The following EML4 variants were observed in gnomAD, a reference collection of about 807,000 sequenced individuals.
EML4 encodes echinoderm microtubule-associated protein-like 4.
EML4 carries 72 observed loss-of-function variants against 129.0 expected under a neutral mutation model. That is an observed-to-expected ratio of 0.56 (90% CI 0.46 to 0.68). EML4 has a LOEUF of 0.68. Among genes scored for constraint, EML4 ranks in the 30% least tolerant of loss-of-function variants. The pLI is 0.00. For missense variants in EML4, 1,363 were observed against 1,190.6 expected (o/e 1.14, Z -2.13); for synonymous variants, 532 against 405.0 (o/e 1.31, Z -3.77).
rs1670146218 is a variant in EML4, at chr2:42,332,316, TC to T, written c.*2111del. 1 of 211,712 alleles carries T rather than the reference TC, an allele frequency of 4.7e-6. No homozygotes were observed. Among genetic ancestry groups the T allele is most frequent in the Non-Finnish European group, 9.6e-6 (1 of 104,230 alleles). The allele number at this position is 211,712 out of a possible 1,614,324, so 13.1% of individuals were successfully genotyped here. ...GACACTACTAATACGCAGGAAGCGT[TC>T]CAGCTATTTAATGCTGGCAACTACT... On this transcript the variant is annotated 3_prime_UTR_variant, in exon 23 of 23. Transcript: ENST00000318522.
chr2:42,244,940 G>T (rs1019466502), intron 1 of EML4, among the ~76,000 whole-genome samples: 1 of 151,896 alleles, frequency 6.6e-6, no homozygotes, highest in Non-Finnish European at 1.5e-5. Context: ...AAAAATAGGG[G>T]AAATTTGACC....
chr2:42,261,736 C>T (rs10189828), intron 4 of EML4, among the ~76,000 whole-genome samples: 73,587 of 151,954 alleles, frequency 0.48, 18,316 homozygotes, highest in East Asian at 0.74. Context: ...TGGCTCTTCA[C>T]TGTGGCTGCA....
At chr2:42,184,156 T>C (rs1034801480) in intron 1 of EML4, among the ~76,000 whole-genome samples, 4 of 152,198 alleles carry the variant, frequency 2.6e-5, no homozygotes, top group South Asian at 2.1e-4. Flanking sequence ...ACCATTGATA[T>C]GGTTTTTATC....
chr2:42,241,636 A>G (rs2104275256), intron 1 of EML4, among the ~76,000 whole-genome samples: 1 of 152,312 alleles, frequency 6.6e-6, no homozygotes, highest in South Asian at 2.1e-4. Flanking sequence ...AACGGATTAA[A>G]TCACTCAGTA....
At chr2:42,237,497 G>A (rs1674751232) in intron 1 of EML4, among the ~76,000 whole-genome samples, 1 of 152,024 alleles carries the variant, frequency 6.6e-6, no homozygotes, top group Non-Finnish European at 1.5e-5. Flanking sequence ...TGTGTGTGGT[G>A]GAGATATGGG....
intron 1 of EML4, among the ~76,000 whole-genome samples, chr2:42,241,063 G>C (rs1193432624): frequency 6.6e-6 from 1 of 152,126 alleles, no homozygotes; most frequent in Admixed American, 6.5e-5. Context: ...AATAGAATCT[G>C]AGGCAGGAGA....
Position 42,267,922 on chromosome 2 carries a change from G to A in EML4, c.667+3191G>A, listed in dbSNP as rs185062934. Among the ~76,000 whole-genome samples the A allele has an allele frequency of 3.2e-4, 48 of 152,292 alleles. 1 individual carries two copies. The highest frequency in any genetic ancestry group is 1.2e-3 in the African/African-American group (48 of 41,558). ...GTAGGACTATCTATTGTTAGAGGTA[G>A]CAGTTAGGTTGTAGTACAATAATAT... On this transcript the variant is annotated intron_variant, in intron 6 of 22. Transcript: ENST00000318522.
chr2:42,242,974 C>G (rs750394058), intron 1 of EML4, among the ~76,000 whole-genome samples: 16 of 152,058 alleles, frequency 1.1e-4, no homozygotes, highest in Non-Finnish European at 2.1e-4. Context: ...CATGGGTTCT[C>G]ACTACGTTGC....
intron 8 of EML4, among the ~76,000 whole-genome samples, chr2:42,283,514 A>AT (rs1452334055): frequency 6.6e-6 from 1 of 152,038 alleles, no homozygotes; most frequent in Non-Finnish European, 1.5e-5. Context: ...GTTTATTAAT[A>AT]TTTTCCAACT....
In EML4 at chr2:42,307,536, A is replaced by G. The variant is rs530008664; in HGVS notation, c.1967+2985A>G. ...TTGTTTTTATTTTTGCCTTGGATCTATGAATACCTGAATGTATTGTCTAAA... is the reference window on the plus strand; with the variant it reads ...TTGTTTTTATTTTTGCCTTGGATCTGTGAATACCTGAATGTATTGTCTAAA... On this transcript the variant is annotated intron_variant, in intron 17 of 22. Coordinates refer to ENST00000318522, the MANE Select transcript of EML4 (RefSeq NM_019063.5). 3.3e-5 allele frequency among the ~76,000 whole-genome samples: 5 copies of G among 152,344 alleles called. No individual in the cohort carries two copies. The East Asian group carries it at 5.8e-4, about 18-fold the overall frequency.
At chr2:42,259,850 C>G (rs919174737) in intron 3 of EML4, among the ~76,000 whole-genome samples, 4 of 150,854 alleles carry the variant, frequency 2.7e-5, no homozygotes, top group African/African-American at 9.8e-5. Context: ...CTGCCTCAAC[C>G]TCCCAAGTAG....
intron 1 of EML4, among the ~76,000 whole-genome samples, chr2:42,229,559 C>G (rs570132848): frequency 6.6e-6 from 1 of 151,682 alleles, no homozygotes; most frequent in African/African-American, 2.4e-5. Flanking sequence ...CCATTCACCA[C>G]GAGAGAGAAA....
intron 2 of EML4, among the ~76,000 whole-genome samples, chr2:42,250,609 G>T (rs1049516443): frequency 2.6e-5 from 4 of 151,930 alleles, no homozygotes; most frequent in African/African-American, 9.7e-5. Flanking sequence ...AGCATTATAG[G>T]GTGTACTTGC....
rs747916680 is a variant in EML4, at chr2:42,330,033, G to A, written c.2772G>A (p.Glu924=). The change falls in exon 23 of 23, where the codon GAG becomes GAA. Residue 924 remains glutamate, a synonymous_variant. Coordinates refer to ENST00000318522, the MANE Select transcript of EML4 (RefSeq NM_019063.5). ...TAAGCAGTTCTCCCACACTTCTGGAGAACAGCCTGGAACAAACTGTGGAGC... is the reference window on the plus strand; with the variant it reads ...TAAGCAGTTCTCCCACACTTCTGGAAAACAGCCTGGAACAAACTGTGGAGC... ...SRISSSPTLL[E]NSLEQTVEPS... 5.0e-6 allele frequency: 8 copies of A among 1,613,414 alleles called. No homozygotes were observed. In the Admixed American group the frequency reaches 6.7e-5, roughly 13 times the overall value.
intron 16 of EML4, 121 bp downstream of exon 16, chr2:42,303,567 G>GT: frequency 9.5e-7 from 1 of 1,052,898 alleles, no homozygotes; most frequent in Non-Finnish European, 1.4e-6. Context: ...ATATGGTTTA[G>GT]TAATAGAGGG....
At chr2:42,193,767 C>A (rs955085635) in intron 1 of EML4, among the ~76,000 whole-genome samples, 2 of 151,950 alleles carry the variant, frequency 1.3e-5, no homozygotes, top group Non-Finnish European at 2.9e-5. Flanking sequence ...CTCACTGCAG[C>A]CTTGACCTCC....
At chr2:42,186,696 T>TC (rs1202977842) in intron 1 of EML4, among the ~76,000 whole-genome samples, 1 of 152,228 alleles carries the variant, frequency 6.6e-6, no homozygotes, top group Non-Finnish European at 1.5e-5. Context: ...TAGCAAATTC[T>TC]CACAGTCCTT....
intron 1 of EML4, among the ~76,000 whole-genome samples, chr2:42,237,919 GT>G (rs1674776870): frequency 6.6e-6 from 1 of 152,156 alleles, no homozygotes. Context: ...GTTTTAAAAA[GT>G]GATTACTTAT....
intron 1 of EML4, among the ~76,000 whole-genome samples, chr2:42,225,384 C>G (rs940099536): frequency 3.3e-5 from 5 of 152,174 alleles, no homozygotes; most frequent in African/African-American, 1.2e-4. Flanking sequence ...CACAAGAGTT[C>G]TAATTTCTCC....
Sources: allele counts gnomAD v4.1 joint callset (sites outside exome capture counted in the v4.1 genomes callset), GRCh38; gene constraint gnomAD v4.1.1; transcripts MANE v1.5; gene names NCBI Gene and HGNC (gene_info 2026-07-23, HGNC 2026-07-21).